The following FBXL3 variants were observed in gnomAD, a reference collection of about 807,000 sequenced individuals.
FBXL3 encodes the protein F-box/LRR-repeat protein 3.
FBXL3 carries 14 observed loss-of-function variants against 37.9 expected under a neutral mutation model. That is an observed-to-expected ratio of 0.37 (90% CI 0.24 to 0.58). The LOEUF (loss-of-function observed/expected upper bound fraction) is 0.58. Among genes scored for constraint, FBXL3 ranks in the 20% least tolerant of loss-of-function variants. The pLI is 0.74. For synonymous variants in FBXL3, 194 were observed against 180.1 expected, an observed-to-expected ratio of 1.08 and a Z score of -0.62; for missense variants, 327 against 511.1, an observed-to-expected ratio of 0.64 and a Z score of 3.47.
intron 1 of FBXL3, chr13:77,026,025 T>C (rs11617436): frequency 0.067 from 23,001 of 340,890 alleles, 857 homozygotes; most frequent in Middle Eastern, 0.095. Flanking sequence ...TAACTGATAG[T>C]TGATGGTATT....
intron 2 of FBXL3, among the ~76,000 whole-genome samples, chr13:77,021,249 A>G (rs1219313323): frequency 6.6e-6 from 1 of 152,206 alleles, no homozygotes; most frequent in African/African-American, 2.4e-5. Context: ...CAATAATTCA[A>G]TGTAATTCAC....
intron 4 of FBXL3, among the ~76,000 whole-genome samples, chr13:77,011,327 G>C (rs935242416): frequency 1.5e-4 from 19 of 125,804 alleles, no homozygotes; most frequent in African/African-American, 5.5e-4. Flanking sequence ...TGGGCAACAA[G>C]AAGGAGACTT....
At chr13:77,024,423 T>C (rs941807173) in intron 1 of FBXL3, among the ~76,000 whole-genome samples, 1 of 152,214 alleles carries the variant, frequency 6.6e-6, no homozygotes, top group African/African-American at 2.4e-5. Flanking sequence ...CACCTTATTA[T>C]AGAATACTGA....
chr13:77,015,575 G>A lies in FBXL3; in HGVS notation c.477C>T (p.His159=). The part of the protein sequence containing the change: ...RPSFMDLPKS[H]FISALTVVFV... ...ACACAACTGTCAGTGCAGAGATAAA[G>A]TGAGACTGAAAAGCAAAAAAAATAA... is the stretch of plus-strand genomic sequence containing the variant. Residue 159 remains histidine (H), a synonymous_variant, in exon 4 of 5, where the codon CAC becomes CAT. Coordinates refer to ENST00000355619, the MANE Select transcript of FBXL3 (RefSeq NM_012158.4). The A allele has an allele frequency of 6.6e-7, 1 of 1,513,858 alleles. No individual in the cohort carries two copies. The allele number at this position is 1,513,858 out of a possible 1,614,324, so 93.8% of individuals were successfully genotyped here. A position where few individuals can be genotyped will look rare whatever the true frequency, so the allele number is the denominator to read the frequency against.
At chr13:77,021,937 C>T in intron 1 of FBXL3, 76 bp from the exon 2 acceptor site, 1 of 1,190,810 alleles carries the variant, frequency 8.4e-7, no homozygotes, top group Middle Eastern at 2.0e-4. Context: ...ATTCTTCTGT[C>T]ACTGAGATGT....
At chr13:77,016,886 A>C (rs1209447989) in intron 3 of FBXL3, 1 of 152,218 alleles carries the variant, frequency 6.6e-6, no homozygotes, top group Admixed American at 6.5e-5. Context: ...TACTGTGATT[A>C]AACAACTGGT....
At chr13:77,024,103 T>C (rs2034796374) in intron 1 of FBXL3, among the ~76,000 whole-genome samples, 1 of 152,246 alleles carries the variant, frequency 6.6e-6, no homozygotes, top group Non-Finnish European at 1.5e-5. Flanking sequence ...CTGGAAATTA[T>C]GTGTGACTTG....
rs535559849 is a variant in FBXL3 at position 77,020,573 on chromosome 13, T to C, written c.348+940A>G. On this transcript the variant is annotated intron_variant, in intron 2 of 4. Transcript: ENST00000355619. ...TTAGCCTGGACTATTCAGCAACTGCTTGTGTCCAGATAAATCAAGTATTCA... is the reference window on the plus strand; with the variant it reads ...TTAGCCTGGACTATTCAGCAACTGCCTGTGTCCAGATAAATCAAGTATTCA... Among the ~76,000 whole-genome samples the C allele has an allele frequency of 2.0e-5, 3 of 151,638 alleles. 1 individual carries two copies. The South Asian group carries it at 6.3e-4, about 32-fold the overall frequency.
intron 4 of FBXL3, 122 bp from the exon 5 acceptor site, chr13:77,007,910 A>G (rs2034481556): frequency 1.4e-6 from 1 of 703,020 alleles, no homozygotes; most frequent in Non-Finnish European, 2.3e-6. Flanking sequence ...TATATAATTT[A>G]AAATGTGCAT....
intron 2 of FBXL3, among the ~76,000 whole-genome samples, chr13:77,021,215 TTTC>T (rs1446791835): frequency 6.6e-6 from 1 of 152,228 alleles, no homozygotes; most frequent in African/African-American, 2.4e-5. Flanking sequence ...TTATTAGATA[TTTC>T]TTCTTCCTCA....
intron 4 of FBXL3, chr13:77,014,530 A>G (rs2034610607): frequency 6.6e-6 from 1 of 152,238 alleles, no homozygotes; most frequent in Non-Finnish European, 1.5e-5. Context: ...CTCCTGTGGG[A>G]GAAAAGAGAA....
intron 2 of FBXL3, among the ~76,000 whole-genome samples, chr13:77,019,853 C>T (rs2034709102): frequency 6.6e-6 from 1 of 151,210 alleles, no homozygotes; most frequent in Admixed American, 6.6e-5. Flanking sequence ...AAAAAAAAAC[C>T]CTACTAAAAA....
intron 4 of FBXL3, among the ~76,000 whole-genome samples, chr13:77,008,157 CTG>C: frequency 6.6e-6 from 1 of 152,282 alleles, no homozygotes; most frequent in African/African-American, 2.4e-5. Flanking sequence ...TACAGGACCA[CTG>C]TGACGGAGGC....
At position 77,020,161 on chromosome 13, in the gene FBXL3, G is replaced by A. The variant is rs903452595; in HGVS notation, c.348+1352C>T. On this transcript the variant is annotated intron_variant, in intron 2 of 4. Coordinates refer to ENST00000355619, the MANE Select transcript of FBXL3 (RefSeq NM_012158.4). ...CCTACCTTTGCCCCCAGTTAGGATC[G>A]CAAGATAATATACTAGACACCAATT... Among the ~76,000 whole-genome samples the A allele has an allele frequency of 3.9e-5, 6 of 152,030 alleles. No individual in the cohort carries two copies. The South Asian group carries it at 8.3e-4, about 21-fold the overall frequency.
rs766838516 is a variant in FBXL3 at position 77,006,732 on chromosome 13, A to G, written c.*413T>C. ...TTTCCTGAGCTATATTAAACACCTT[A>G]TAACAGGTGTATGTGTAACTGAAGA... On this transcript the variant is annotated 3_prime_UTR_variant, in exon 5 of 5. Coordinates refer to ENST00000355619, the MANE Select transcript of FBXL3 (RefSeq NM_012158.4). The G allele has an allele frequency of 6.2e-6, 5 of 810,974 alleles. No individual in the cohort carries two copies. The highest frequency in any genetic ancestry group is 5.3e-5 in the South Asian group (1 of 18,920). 50.2% of individuals were successfully genotyped at this position (810,974 alleles called of 1,614,324 possible). A position where few individuals can be genotyped will look rare whatever the true frequency, so the allele number is the denominator to read the frequency against.
At chr13:77,018,421 TA>T (rs5804888) in intron 3 of FBXL3, 178 bp downstream of exon 3, 180,780 of 292,634 alleles carry the variant, frequency 0.62, 44,442 homozygotes, top group African/African-American at 0.78. Flanking sequence ...TATGGTGATT[TA>T]AAAAAAAAAA....
intron 2 of FBXL3, among the ~76,000 whole-genome samples, chr13:77,020,141 C>T (rs1425830722): frequency 6.6e-6 from 1 of 152,060 alleles, no homozygotes; most frequent in African/African-American, 2.4e-5. Context: ...ATCCCCCTAC[C>T]TTTGCCCCCA....
At chr13:77,026,291 G>A in intron 1 of FBXL3, 1 of 985,470 alleles carries the variant, frequency 1.0e-6, no homozygotes, top group Non-Finnish European at 1.2e-6. Context: ...AGTTGACCAA[G>A]TTTTTCGCCT....
In FBXL3 at chr13:77,007,197, A is replaced by G; in HGVS notation, c.1235T>C (p.Val412Ala). The change falls in exon 5 of 5, where the codon GTG (valine) becomes GCG (alanine). Residue 412 changes from valine to alanine, a missense_variant. Coordinates refer to ENST00000355619, the MANE Select transcript of FBXL3 (RefSeq NM_012158.4). ...CCACACCCTACCAAGATGCTTGGAC[A>G]CTTCCCAGTGAATCTGCTCCAAACT... Reference protein sequence around the residue: ...KYSLEQIHWEVSKHLGRVWFP... With the variant: ...KYSLEQIHWEASKHLGRVWFP... 1 of 1,613,680 alleles carries G rather than the reference A, an allele frequency of 6.2e-7. No individual in the cohort carries two copies. The highest frequency in any genetic ancestry group is 8.5e-7 in the Non-Finnish European group (1 of 1,179,838).
Sources: gnomAD v4.1 joint callset for allele counts (sites outside exome capture counted in the v4.1 genomes callset) on GRCh38, gnomAD v4.1.1 for gene constraint, MANE v1.5 for transcripts, NCBI Gene and HGNC (gene_info 2026-07-23, HGNC 2026-07-21) for gene names.